PUDP: variants seen among roughly 807,000 people sequenced by gnomAD.
The protein encoded by PUDP is pseudouridine-5'-phosphatase.
A neutral mutation model predicts 9.4 loss-of-function variants in PUDP; 8 were observed. That is an observed-to-expected ratio of 0.85 (90% CI 0.50 to 1.53). The LOEUF (loss-of-function observed/expected upper bound fraction) is 1.53, where lower values mean the gene tolerates loss of function less well. PUDP is among the 40% of genes most tolerant of loss of function. The pLI is 0.00. For synonymous variants in PUDP, 99 were observed against 80.7 expected, an observed-to-expected ratio of 1.23 and a Z score of -1.22; for missense variants, 188 against 189.7, an observed-to-expected ratio of 0.99 and a Z score of 0.05.
chrX:7,139,806 A>T (rs781452712), intron 1 of PUDP, among the ~76,000 whole-genome samples: 1 of 111,992 alleles, frequency 8.9e-6, no homozygotes, highest in Non-Finnish European at 1.9e-5. Context: ...CAGAGAGAGA[A>T]GAGTCAAGGG....
At position 6,986,292 on chromosome X, in the gene PUDP, C is replaced by T. The variant is rs113706619; in HGVS notation, c.205-7949G>A. ...GATTTGCTCTGAATTATTTCTTATG[C>T]GAGATCCAAGAGCCCTCTTTTGGGG... On this transcript the variant is annotated intron_variant and NMD_transcript_variant, in intron 1 of 3. Coordinates refer to the PUDP transcript ENST00000655425. Among the ~76,000 whole-genome samples, 456 of 111,674 alleles carry T rather than the reference C, an allele frequency of 4.1e-3. 3 individuals are homozygous for T. The highest frequency in any genetic ancestry group is 0.014 in the African/African-American group (439 of 30,667).
intron 3 of PUDP, among the ~76,000 whole-genome samples, chrX:6,812,324 G>C (rs1926157251): frequency 8.9e-6 from 1 of 111,797 alleles, no homozygotes; most frequent in South Asian, 3.8e-4. Flanking sequence ...TAGGAGTTTT[G>C]ACAATTCTGT....
intron 3 of PUDP, among the ~76,000 whole-genome samples, chrX:6,763,155 G>A (rs1569094163): frequency 2.7e-5 from 3 of 112,234 alleles, no homozygotes; most frequent in Admixed American, 9.4e-5. Flanking sequence ...TTGGGAGGCC[G>A]AGGTGGGTGG....
At chrX:6,729,210 AC>A (rs1425679486) in intron 3 of PUDP, among the ~76,000 whole-genome samples, 1 of 111,541 alleles carries the variant, frequency 9.0e-6, no homozygotes, top group Non-Finnish European at 1.9e-5. Context: ...GTTCAAAGTC[AC>A]CCCTCTGCTC....
chrX:6,966,545 AT>A (rs748670894), intron 3 of PUDP, among the ~76,000 whole-genome samples: 147 of 89,592 alleles, frequency 1.6e-3, no homozygotes, highest in East Asian at 6.5e-3. Context: ...TCGCCTTCAT[AT>A]TTTTTTTTTT....
At chrX:7,048,579 T>C (rs1170859572), downstream of PUDP, among the ~76,000 whole-genome samples, 2 of 112,266 alleles carry the variant, frequency 1.8e-5, no homozygotes, top group Non-Finnish European at 3.8e-5. Flanking sequence ...GAGATCAAAT[T>C]TACCCTGTAG....
At chrX:6,902,253 T>C (rs763120590) in intron 3 of PUDP, among the ~76,000 whole-genome samples, 9 of 111,837 alleles carry the variant, frequency 8.0e-5, no homozygotes, top group Non-Finnish European at 1.3e-4. Flanking sequence ...TAAAATCACA[T>C]AGGTCTTGTG....
intron 1 of PUDP, among the ~76,000 whole-genome samples, chrX:7,020,631 C>G (rs1382127353): frequency 8.9e-6 from 1 of 112,308 alleles, no homozygotes; most frequent in Non-Finnish European, 1.9e-5. Context: ...ATGATGTATT[C>G]ATTTTCCCTG....
intron 3 of PUDP, among the ~76,000 whole-genome samples, chrX:6,740,938 C>T (rs1380802473): frequency 9.0e-6 from 1 of 111,661 alleles, no homozygotes; most frequent in East Asian, 2.8e-4. Flanking sequence ...GTGGGCAGAT[C>T]ACCTGACGTC....
At chrX:7,110,711 G>A (rs1358812869) in intron 1 of PUDP, among the ~76,000 whole-genome samples, 1 of 109,033 alleles carries the variant, frequency 9.2e-6, no homozygotes, top group Non-Finnish European at 1.9e-5. Flanking sequence ...TAGGATTTGG[G>A]TAGGTAGTGG....
At chrX:6,796,792 C>G (rs1252903746) in intron 3 of PUDP, among the ~76,000 whole-genome samples, 2 of 111,776 alleles carry the variant, frequency 1.8e-5, no homozygotes, top group Admixed American at 1.9e-4. Flanking sequence ...AGCCATATCA[C>G]TTGATCATTT....
intron 2 of PUDP, among the ~76,000 whole-genome samples, chrX:6,977,601 G>A (rs1361205429): frequency 1.8e-5 from 2 of 112,087 alleles, no homozygotes; most frequent in Non-Finnish European, 3.8e-5. Context: ...ATATAAAGCT[G>A]AAATCAACAT....
intron 1 of PUDP, among the ~76,000 whole-genome samples, chrX:6,983,399 C>T (rs1602701367): frequency 9.0e-6 from 1 of 110,872 alleles, no homozygotes. Context: ...GTTGGCAGGT[C>T]CAGATGGGGC....
At chrX:7,091,034 G>A (rs1377032227) in intron 2 of PUDP, among the ~76,000 whole-genome samples, 8 of 112,119 alleles carry the variant, frequency 7.1e-5, no homozygotes, top group African/African-American at 2.6e-4. Flanking sequence ...ACGTTGATAT[G>A]AGAAAGAAGT....
chrX:6,870,527 G>A (rs933755225), intron 3 of PUDP, among the ~76,000 whole-genome samples: 17 of 111,833 alleles, frequency 1.5e-4, no homozygotes, highest in African/African-American at 5.2e-4. Flanking sequence ...TGTCATGATT[G>A]TGAGGCCTCA....
chrX:6,817,118 C>A (rs1374212478), intron 3 of PUDP, among the ~76,000 whole-genome samples: 1 of 106,889 alleles, frequency 9.4e-6, no homozygotes, highest in Non-Finnish European at 1.9e-5. Context: ...ACTGTGTCTC[C>A]CAGGCCGGAG....
intron 3 of PUDP, among the ~76,000 whole-genome samples, chrX:6,916,814 A>C (rs6638637): frequency 0.2 from 22,820 of 111,425 alleles, 1,886 homozygotes; most frequent in Admixed American, 0.35. Context: ...CTACATTGAA[A>C]TAACTGTAAC....
chrX:6,924,221 C>T (rs1286633909), intron 3 of PUDP, among the ~76,000 whole-genome samples: 1 of 111,476 alleles, frequency 9.0e-6, no homozygotes, highest in Admixed American at 9.6e-5. Context: ...TACCTACCTC[C>T]CACCTGAGAC....
chrX:6,723,432 C>CAAAAAAAAAAAAAAA (rs549361509), upstream of PUDP, among the ~76,000 whole-genome samples: 2 of 17,331 alleles, frequency 1.2e-4, no homozygotes, highest in African/African-American at 2.7e-4. Context: ...GAGGCTCTGT[C>CAAAAAAAAAAAAAAA]AAAAAAAAAA....
Sources: gnomAD v4.1 joint callset for allele counts (sites outside exome capture counted in the v4.1 genomes callset) on GRCh38, gnomAD v4.1.1 for gene constraint, MANE v1.5 for transcripts, NCBI Gene and HGNC (gene_info 2026-07-23, HGNC 2026-07-21) for gene names.